The following TTF1 variants were observed in gnomAD, a reference collection of about 807,000 sequenced individuals.
The protein encoded by TTF1 is transcription termination factor 1.
In TTF1, 64 loss-of-function variants were observed where a neutral mutation model predicts 80.2. The observed-to-expected ratio is 0.80, with a 90% CI of 0.65 to 0.98. The LOEUF (loss-of-function observed/expected upper bound fraction) is 0.98. TTF1 is among the 50% of genes least tolerant of loss of function. The pLI, the probability that TTF1 is intolerant of heterozygous loss-of-function variation, is 0.00. For synonymous variants in TTF1, 372 were observed against 382.7 expected, an observed-to-expected ratio of 0.97 and a Z score of 0.33; for missense variants, 1,023 against 1,086.2, an observed-to-expected ratio of 0.94 and a Z score of 0.82.
rs1185332331 is a variant in TTF1 at position 132,378,597 on chromosome 9, G to GGTGT, written c.2464+458_2464+461dup. Reference sequence around the variant, plus strand: ...GTGCATGTGGTGTGTGAATGCATGTGGTGTGAGTGCATGTGGTGTGAGTGC... The same window carrying GGTGT: ...GTGCATGTGGTGTGTGAATGCATGTGGTGTGTGTGAGTGCATGTGGTGTGAGTGC... On this transcript the variant is annotated intron_variant, in intron 10 of 10. Coordinates refer to ENST00000334270, the MANE Select transcript of TTF1 (RefSeq NM_007344.4). 1.2e-4 allele frequency among the ~76,000 whole-genome samples: 8 copies of GGTGT among 66,920 alleles called. 1 individual carries two copies. The highest frequency in any genetic ancestry group is 7.4e-4 in the African/African-American group (6 of 8,134). The allele number at this position is 66,920 out of a possible 152,430, so 43.9% of individuals were successfully genotyped here. A position where few individuals can be genotyped will look rare whatever the true frequency, so the allele number is the denominator to read the frequency against.
chr9:132,378,019 GGTGTGAGTGCATGTGGTGTGT>G (rs1849263138), intron 10 of TTF1, among the ~76,000 whole-genome samples: 1 of 129,490 alleles, frequency 7.7e-6, no homozygotes, highest in Non-Finnish European at 1.6e-5. Context: ...GAATGCATGT[GGTGTGAGTGCATGTGGTGTGT>G]GTGTGAATGC....
At chr9:132,378,176 G>A (rs1849273948) in intron 10 of TTF1, among the ~76,000 whole-genome samples, 1 of 138,018 alleles carries the variant, frequency 7.2e-6, no homozygotes, top group Admixed American at 7.4e-5. Context: ...TGGTGTGTGT[G>A]AATGCATGTG....
chr9:132,395,860 C>T (rs1035010097), intron 5 of TTF1, among the ~76,000 whole-genome samples: 1 of 152,146 alleles, frequency 6.6e-6, no homozygotes, highest in Admixed American at 6.5e-5. Flanking sequence ...AGAGTGCTAA[C>T]GTGCTAACCC....
chr9:132,399,686 G>C (rs1429676836), intron 3 of TTF1, among the ~76,000 whole-genome samples: 1 of 152,176 alleles, frequency 6.6e-6, no homozygotes, highest in East Asian at 1.9e-4. Context: ...CCTCATTAAA[G>C]TTGATTTTAA....
chr9:132,382,989 C>T (rs1032422876), intron 9 of TTF1, among the ~76,000 whole-genome samples: 2 of 151,534 alleles, frequency 1.3e-5, no homozygotes, highest in South Asian at 2.1e-4. Context: ...TGCTTGAACC[C>T]GGAAGGTGGA....
Position 132,402,468 on chromosome 9 carries a change from A to G in TTF1, c.354T>C (p.His118=). ...AAACAACATCAACATCCTTTCTAAAATGCTTTGGTGTGTTGTTAATATTTT... is the reference window on the plus strand; with the variant it reads ...AAACAACATCAACATCCTTTCTAAAGTGCTTTGGTGTGTTGTTAATATTTT... ...DKENINNTPK[H]FRKDVDVVCV... The change falls in exon 2 of 11, where the codon CAT becomes CAC. Residue 118 remains histidine (H), a synonymous_variant. Transcript: ENST00000334270. 6.2e-7 allele frequency: 1 copy of G among 1,614,164 alleles called. No individual in the cohort carries two copies. The highest frequency in any genetic ancestry group is 1.1e-5 in the South Asian group (1 of 91,080).
chr9:132,380,421 T>C (rs1849349222), intron 9 of TTF1, among the ~76,000 whole-genome samples: 1 of 152,138 alleles, frequency 6.6e-6, no homozygotes, highest in Non-Finnish European at 1.5e-5. Flanking sequence ...TAAACCATAA[T>C]GCAGATGAGG....
Position 132,392,086 on chromosome 9 carries a change from C to G in TTF1, c.1977G>C (p.Gln659His), listed in dbSNP as rs1379264593. 6.2e-7 allele frequency: 1 copy of G among 1,614,086 alleles called. No individual in the cohort carries two copies. Among genetic ancestry groups the G allele is most frequent in the South Asian group, 1.1e-5 (1 of 91,072 alleles). Reference protein sequence around the residue: ...SSLSVALKFSQISSQRNRGAW... With the variant: ...SSLSVALKFSHISSQRNRGAW... ...GGGGCTGCCACTTACGACTGCTGAT[C>G]TGTGAGAACTTGAGGGCCACGGAGA... The change falls in exon 6 of 11, where the codon CAG (glutamine) becomes CAC (histidine). Residue 659 changes from glutamine (Q) to histidine (H), a missense_variant. Transcript: ENST00000334270.
intron 8 of TTF1, among the ~76,000 whole-genome samples, chr9:132,387,189 G>C (rs1344581039): frequency 6.6e-6 from 1 of 152,120 alleles, no homozygotes; most frequent in Non-Finnish European, 1.5e-5. Context: ...AAACTCCTGG[G>C]CTCCTCCTGC....
Position 132,400,037 on chromosome 9 carries a change from T to C in TTF1, c.1589A>G (p.Gln530Arg). The C allele has an allele frequency of 6.2e-7, 1 of 1,614,194 alleles. No individual in the cohort carries two copies. Among genetic ancestry groups the C allele is most frequent in the Non-Finnish European group, 8.5e-7 (1 of 1,180,024 alleles). Residue 530 changes from glutamine to arginine, a missense_variant and splice_region_variant, in exon 3 of 11, where the codon CAA becomes CGA. Gln to Arg is a conservative substitution (Grantham distance 43). Coordinates refer to ENST00000334270, the MANE Select transcript of TTF1 (RefSeq NM_007344.4). ...ACACTAAGGCCCCACAAGCTCACCT[T>C]GTGCTTTAAATTCCTTAAACCGTTC... ...DLERFKEFKA[Q>R]GVAIKFGKFS...
intron 1 of TTF1, among the ~76,000 whole-genome samples, chr9:132,404,291 C>G (rs1849821741): frequency 6.6e-6 from 1 of 152,268 alleles, no homozygotes; most frequent in African/African-American, 2.4e-5. Flanking sequence ...TCTACAGAAG[C>G]TACCTAATTT....
intron 5 of TTF1, among the ~76,000 whole-genome samples, chr9:132,395,019 C>T (rs537072853): frequency 2.8e-4 from 42 of 151,756 alleles, no homozygotes; most frequent in Non-Finnish European, 5.0e-4. Flanking sequence ...TGGTGAAACC[C>T]CGTCTCTACG....
chr9:132,400,769 A>G (rs1232407687), intron 2 of TTF1, among the ~76,000 whole-genome samples: 1 of 152,210 alleles, frequency 6.6e-6, no homozygotes, highest in Non-Finnish European at 1.5e-5. Context: ...CTAGAAGCTA[A>G]AAGTGCAGCC....
chr9:132,402,575 G>C lies in TTF1; in HGVS notation c.247C>G (p.Leu83Val). The stretch of plus-strand genomic sequence containing the variant: ...TATCTTCTCTTTTTTCTCTTTTTGA[G>C]TGTGGAAGTGGCATTTGCAGTCTCA... ...CDETANATST[L>V]KKRKKRRYSA... The change falls in exon 2 of 11, where the codon CTC (leucine) becomes GTC (valine). Residue 83 changes from leucine to valine, a missense_variant. By Grantham distance (32) the Leu-to-Val change is conservative (BLOSUM62 1). Coordinates refer to ENST00000334270, the MANE Select transcript of TTF1 (RefSeq NM_007344.4). 6.2e-7 allele frequency: 1 copy of C among 1,614,108 alleles called. No individual in the cohort carries two copies. The highest frequency in any genetic ancestry group is 8.5e-7 in the Non-Finnish European group (1 of 1,180,020).
intron 7 of TTF1, 97 bp downstream of exon 7, chr9:132,390,500 A>T: frequency 8.4e-7 from 1 of 1,189,084 alleles, no homozygotes; most frequent in Non-Finnish European, 1.2e-6. Flanking sequence ...TGTTCTTGAC[A>T]CGTCAGCTTC....
chr9:132,403,844 G>C (rs184896946), intron 1 of TTF1, among the ~76,000 whole-genome samples: 33 of 152,274 alleles, frequency 2.2e-4, no homozygotes, highest in Admixed American at 2.0e-3. Flanking sequence ...CCAGAAGTTG[G>C]CCTCTTTGTG....
At chr9:132,399,513 T>C (rs927310980) in intron 3 of TTF1, among the ~76,000 whole-genome samples, 23 of 152,124 alleles carry the variant, frequency 1.5e-4, no homozygotes, top group Non-Finnish European at 3.4e-4. Context: ...TTAAACCCAA[T>C]AAGCTTTATT....
chr9:132,398,850 A>G (rs1318274672), intron 3 of TTF1, among the ~76,000 whole-genome samples: 1 of 152,120 alleles, frequency 6.6e-6, no homozygotes, highest in East Asian at 1.9e-4. Context: ...TTGGCCTCCC[A>G]AAGTGCTGGG....
chr9:132,401,803 T>C lies in TTF1; in HGVS notation c.1019A>G (p.Asn340Ser), dbSNP rs757010978. Residue 340 changes from asparagine (N) to serine (S), a missense_variant, in exon 2 of 11, where the codon AAT (asparagine) becomes AGT (serine). Asn to Ser is a conservative substitution (Grantham distance 46, BLOSUM62 1). Coordinates refer to ENST00000334270, the MANE Select transcript of TTF1 (RefSeq NM_007344.4). ...GGCCACTGCCTCAAATTCCTGGTGATTGGACTTTTTCTTTTTTTTCTTAGA... is the reference window on the plus strand; with the variant it reads ...GGCCACTGCCTCAAATTCCTGGTGACTGGACTTTTTCTTTTTTTTCTTAGA... ...NKSKKKKKKS[N>S]HQEFEAVAMP... 60 of 1,613,964 alleles carry C rather than the reference T, an allele frequency of 3.7e-5. No homozygotes were observed. Among genetic ancestry groups the C allele is most frequent in the Admixed American group, 1.8e-4 (11 of 59,990 alleles).
Sources: allele counts gnomAD v4.1 joint callset (sites outside exome capture counted in the v4.1 genomes callset), GRCh38; gene constraint gnomAD v4.1.1; transcripts MANE v1.5; gene names NCBI Gene and HGNC (gene_info 2026-07-23, HGNC 2026-07-21).